The following XRCC4 variants were observed in gnomAD, a reference collection of about 807,000 sequenced individuals.
XRCC4 encodes the protein DNA repair protein XRCC4.
Under a neutral mutation model 39.1 loss-of-function variants are expected in XRCC4, and 28 were observed. That is an observed-to-expected ratio of 0.72 (90% CI 0.53 to 0.98). XRCC4 has a LOEUF of 0.98. Among genes scored for constraint, XRCC4 ranks in the 50% least tolerant of loss-of-function variants. The probability of loss-of-function intolerance (pLI) is 0.00; values close to 1 mark genes in which losing one functional copy is unlikely to be tolerated. For synonymous variants in XRCC4, 123 were observed against 126.4 expected (o/e 0.97, Z 0.18); for missense variants, 350 against 376.4 (o/e 0.93, Z 0.58).
At chr5:83,358,636 G>A (rs1034837397), downstream of XRCC4, among the ~76,000 whole-genome samples, 3 of 152,116 alleles carry the variant, frequency 2.0e-5, no homozygotes, top group African/African-American at 7.2e-5. Flanking sequence ...TTTGGTAGCC[G>A]CTGTTCCAGT....
At chr5:83,086,378 CAT>C (rs1226281639) in intron 1 of XRCC4, among the ~76,000 whole-genome samples, 1 of 152,074 alleles carries the variant, frequency 6.6e-6, no homozygotes, top group Non-Finnish European at 1.5e-5. Flanking sequence ...AGTTGATTAA[CAT>C]ATGTTTTGTG....
At chr5:83,311,705 G>A (rs1235328996) in intron 7 of XRCC4, among the ~76,000 whole-genome samples, 1 of 151,894 alleles carries the variant, frequency 6.6e-6, no homozygotes, top group Non-Finnish European at 1.5e-5. Flanking sequence ...ACAAAAAGTT[G>A]TATCTGTATC....
chr5:83,156,299 G>A, intron 3 of XRCC4, among the ~76,000 whole-genome samples: 1 of 116,302 alleles, frequency 8.6e-6, no homozygotes, highest in African/African-American at 3.3e-5. Flanking sequence ...TTTTTTTTTT[G>A]CTTTTTTGTT....
chr5:83,354,294 C>T (rs1357577773), downstream of XRCC4, among the ~76,000 whole-genome samples: 1 of 152,198 alleles, frequency 6.6e-6, no homozygotes, highest in East Asian at 1.9e-4. Flanking sequence ...ATGCCTTCTC[C>T]TTTGCCCAAT....
chr5:83,226,832 G>A (rs1752309180), intron 6 of XRCC4, among the ~76,000 whole-genome samples: 1 of 152,132 alleles, frequency 6.6e-6, no homozygotes, highest in Admixed American at 6.6e-5. Context: ...ATTTGAATCA[G>A]GAGTTTCCTA....
intron 6 of XRCC4, among the ~76,000 whole-genome samples, chr5:83,211,337 C>T (rs1186564791): frequency 6.6e-6 from 1 of 152,196 alleles, no homozygotes; most frequent in East Asian, 1.9e-4. Flanking sequence ...ACTCAATTTG[C>T]AGCAGAGGGT....
At chr5:83,313,913 T>C (rs1448053555) in intron 7 of XRCC4, among the ~76,000 whole-genome samples, 1 of 144,960 alleles carries the variant, frequency 6.9e-6, no homozygotes, top group Non-Finnish European at 1.5e-5. Context: ...AAAATATAAG[T>C]TTTATAAAGA....
chr5:83,103,031 TGTCA>T (rs1746024082), intron 1 of XRCC4, among the ~76,000 whole-genome samples: 1 of 146,298 alleles, frequency 6.8e-6, no homozygotes, highest in African/African-American at 2.5e-5. Context: ...TATATATATA[TGTCA>T]ACATATTTCC....
At chr5:83,112,795 T>C (rs1746507838) in intron 3 of XRCC4, among the ~76,000 whole-genome samples, 1 of 152,164 alleles carries the variant, frequency 6.6e-6, no homozygotes, top group Non-Finnish European at 1.5e-5. Context: ...TTATTCACTA[T>C]CATGAGAACA....
chr5:83,114,620 T>G (rs1388480636), intron 3 of XRCC4, among the ~76,000 whole-genome samples: 1 of 152,206 alleles, frequency 6.6e-6, no homozygotes, highest in Non-Finnish European at 1.5e-5. Flanking sequence ...ATTCAACAAT[T>G]CTCTAGGAAA....
chr5:83,090,810 G>A (rs1368290912), intron 1 of XRCC4, among the ~76,000 whole-genome samples: 1 of 152,156 alleles, frequency 6.6e-6, no homozygotes, highest in African/African-American at 2.4e-5. Flanking sequence ...TCTGTGCGAG[G>A]AGCAGGGGAC....
At chr5:83,170,400 AT>A (rs1749669310) in intron 3 of XRCC4, among the ~76,000 whole-genome samples, 2 of 152,140 alleles carry the variant, frequency 1.3e-5, no homozygotes, top group African/African-American at 4.8e-5. Context: ...GGAAAAAAAA[AT>A]CAGCTTGACT....
chr5:83,198,281 G>A (rs1369680943), intron 4 of XRCC4, among the ~76,000 whole-genome samples: 2 of 152,068 alleles, frequency 1.3e-5, no homozygotes, highest in East Asian at 3.9e-4. Flanking sequence ...GGATGGGAGG[G>A]TGGTGTTAAA....
intron 7 of XRCC4, among the ~76,000 whole-genome samples, chr5:83,268,371 T>A (rs1754027388): frequency 6.6e-6 from 1 of 152,178 alleles, no homozygotes; most frequent in African/African-American, 2.4e-5. Flanking sequence ...GATTGACTTC[T>A]CAAAAGACTG....
intron 3 of XRCC4, among the ~76,000 whole-genome samples, chr5:83,160,653 A>G (rs1206569135): frequency 1.3e-5 from 2 of 152,186 alleles, no homozygotes; most frequent in Admixed American, 6.5e-5. Context: ...TTTCAGAATT[A>G]TAATTAAGTA....
intron 7 of XRCC4, among the ~76,000 whole-genome samples, chr5:83,348,947 A>G (rs1204630232): frequency 1.3e-5 from 2 of 151,924 alleles, no homozygotes; most frequent in Non-Finnish European, 2.9e-5. Flanking sequence ...CCTCTACTCC[A>G]GTTCCCAATA....
intron 7 of XRCC4, among the ~76,000 whole-genome samples, chr5:83,313,443 T>C (rs1339559704): frequency 1.3e-5 from 2 of 152,152 alleles, no homozygotes; most frequent in Non-Finnish European, 2.9e-5. Context: ...AGTTTACTGC[T>C]GTAGGATATT....
At chr5:83,300,742 C>G (rs1755254867) in intron 7 of XRCC4, among the ~76,000 whole-genome samples, 2 of 151,868 alleles carry the variant, frequency 1.3e-5, no homozygotes, top group South Asian at 4.2e-4. Flanking sequence ...CCCCCCACCC[C>G]CCAACAGGCC....
Position 83,230,640 on chromosome 5 carries a change from A to G in XRCC4, c.745+25719A>G, listed in dbSNP as rs182829687. Among the ~76,000 whole-genome samples the G allele has an allele frequency of 8.7e-4, 132 of 152,168 alleles. 1 individual carries two copies. In the Middle Eastern group the frequency reaches 0.024, roughly 27 times the overall value. ...ACATGCTGTCAGTTGGAAAGCATTT[A>G]TATTCAAAAACAAGTTTTTATAGCA... On this transcript the variant is annotated intron_variant, in intron 6 of 7. Transcript: ENST00000396027.
Sources: gnomAD v4.1 joint callset for allele counts (sites outside exome capture counted in the v4.1 genomes callset) on GRCh38, gnomAD v4.1.1 for gene constraint, MANE v1.5 for transcripts, NCBI Gene and HGNC (gene_info 2026-07-23, HGNC 2026-07-21) for gene names.